The following ARHGAP24 variants were observed in gnomAD, a reference collection of about 807,000 sequenced individuals.
The protein encoded by ARHGAP24 is Rho GTPase activating protein 24.
ARHGAP24 carries 50 observed loss-of-function variants against 76.4 expected under a neutral mutation model. The observed-to-expected ratio is 0.65, with a 90% CI of 0.52 to 0.83. The LOEUF is 0.83. ARHGAP24 is among the 40% of genes least tolerant of loss of function. ARHGAP24 has a pLI of 0.00. For missense variants in ARHGAP24, 930 were observed against 914.2 expected, an observed-to-expected ratio of 1.02 and a Z score of -0.22; for synonymous variants, 345 against 323.3, an observed-to-expected ratio of 1.07 and a Z score of -0.72.
At chr4:85,632,260 G>C (rs1456959199) in intron 2 of ARHGAP24, among the ~76,000 whole-genome samples, 1 of 151,816 alleles carries the variant, frequency 6.6e-6, no homozygotes, top group Non-Finnish European at 1.5e-5. Flanking sequence ...TTATATTACT[G>C]TTTAAAAGAA....
At chr4:85,904,985 T>G (rs1255577793) in intron 3 of ARHGAP24, among the ~76,000 whole-genome samples, 2 of 152,196 alleles carry the variant, frequency 1.3e-5, no homozygotes, top group Non-Finnish European at 2.9e-5. Flanking sequence ...AATTGTAGAA[T>G]GAAACCTAAC....
intron 3 of ARHGAP24, among the ~76,000 whole-genome samples, chr4:85,847,475 G>A (rs1240926149): frequency 6.6e-6 from 1 of 152,104 alleles, no homozygotes; most frequent in Admixed American, 6.6e-5. Flanking sequence ...GATAGATATA[G>A]CAGAATAAAG....
At chr4:85,653,501 GCTCA>G (rs1373945714) in intron 2 of ARHGAP24, among the ~76,000 whole-genome samples, 4 of 151,852 alleles carry the variant, frequency 2.6e-5, no homozygotes, top group Non-Finnish European at 5.9e-5. Context: ...TGAGGAGGAG[GCTCA>G]CTTTGTCACC....
At chr4:85,511,306 A>G (rs887426322) in intron 1 of ARHGAP24, among the ~76,000 whole-genome samples, 3 of 152,142 alleles carry the variant, frequency 2.0e-5, no homozygotes, top group Non-Finnish European at 2.9e-5. Context: ...TTCTTTAACG[A>G]TCTAGGAAAG....
chr4:85,873,453 T>C (rs913664792), intron 3 of ARHGAP24, among the ~76,000 whole-genome samples: 5 of 152,208 alleles, frequency 3.3e-5, no homozygotes, highest in African/African-American at 1.2e-4. Context: ...CTGGGAATTA[T>C]CTACTGTGTA....
At chr4:85,549,632 GTGTAAA>G (rs61335226) in intron 1 of ARHGAP24, among the ~76,000 whole-genome samples, 9,027 of 152,156 alleles carry the variant, frequency 0.059, 799 homozygotes, top group African/African-American at 0.19. Context: ...TCAGGTTCAT[GTGTAAA>G]TGTGCAGGTG....
At chr4:85,521,181 A>G (rs953584923) in intron 1 of ARHGAP24, among the ~76,000 whole-genome samples, 4 of 152,112 alleles carry the variant, frequency 2.6e-5, no homozygotes, top group Admixed American at 6.6e-5. Flanking sequence ...AATGGCCCCA[A>G]TACACTGACT....
chr4:85,969,382 GTATT>G (rs1486928040), intron 5 of ARHGAP24, among the ~76,000 whole-genome samples: 1 of 151,814 alleles, frequency 6.6e-6, no homozygotes, highest in African/African-American at 2.4e-5. Flanking sequence ...TTTATTTATT[GTATT>G]TATTCATAAA....
At chr4:85,732,539 C>T (rs1190036922) in intron 3 of ARHGAP24, among the ~76,000 whole-genome samples, 3 of 152,150 alleles carry the variant, frequency 2.0e-5, no homozygotes, top group Non-Finnish European at 4.4e-5. Flanking sequence ...TAAGGACCAT[C>T]TGCAGCCCAA....
chr4:85,657,901 C>G (rs538667789), intron 2 of ARHGAP24, among the ~76,000 whole-genome samples: 4 of 152,220 alleles, frequency 2.6e-5, no homozygotes, highest in Admixed American at 2.6e-4. Flanking sequence ...GCCACAGGTG[C>G]GTGCCACCAT....
chr4:85,575,632 C>G (rs1727340420), intron 2 of ARHGAP24, among the ~76,000 whole-genome samples: 1 of 152,092 alleles, frequency 6.6e-6, no homozygotes, highest in Admixed American at 6.6e-5. Flanking sequence ...CTTGTCAATA[C>G]AATAACATGG....
chr4:85,827,525 G>A (rs1729782609), intron 3 of ARHGAP24, among the ~76,000 whole-genome samples: 4 of 121,010 alleles, frequency 3.3e-5, no homozygotes, highest in Non-Finnish European at 7.7e-5. Flanking sequence ...TGTTTAGAGA[G>A]AGAGAGAGAT....
At chr4:85,796,107 A>C (rs973138400) in intron 3 of ARHGAP24, among the ~76,000 whole-genome samples, 1 of 152,064 alleles carries the variant, frequency 6.6e-6, no homozygotes, top group Non-Finnish European at 1.5e-5. Flanking sequence ...TTTTGCCATT[A>C]AAAGTAATAG....
At chr4:85,666,939 G>A (rs958245348) in intron 2 of ARHGAP24, among the ~76,000 whole-genome samples, 14 of 152,166 alleles carry the variant, frequency 9.2e-5, no homozygotes, top group Non-Finnish European at 1.8e-4. Flanking sequence ...CTCCTCAGGG[G>A]TCATGGGTCA....
intron 2 of ARHGAP24, among the ~76,000 whole-genome samples, chr4:85,670,434 T>C (rs1022619456): frequency 1.3e-5 from 2 of 152,106 alleles, no homozygotes; most frequent in African/African-American, 4.8e-5. Context: ...AGCAGAAAGC[T>C]CTAGGGCATA....
chr4:85,880,519 TTGTGTG>T (rs58530817), intron 3 of ARHGAP24, among the ~76,000 whole-genome samples: 31,077 of 150,608 alleles, frequency 0.21, 4,142 homozygotes, highest in Non-Finnish European at 0.31. Flanking sequence ...TGCATAACTT[TTGTGTG>T]TGTGTGTGTG....
chr4:85,940,389 A>G (rs540753899), intron 4 of ARHGAP24, among the ~76,000 whole-genome samples: 4 of 152,034 alleles, frequency 2.6e-5, no homozygotes, highest in Admixed American at 6.6e-5. Flanking sequence ...CAAGTTGAAG[A>G]CAGGCAAAAG....
intron 1 of ARHGAP24, among the ~76,000 whole-genome samples, chr4:85,477,564 A>C (rs1722646811): frequency 6.6e-6 from 1 of 152,178 alleles, no homozygotes; most frequent in Admixed American, 6.5e-5. Context: ...GCTTTCATGG[A>C]TCATGGTTTT....
chr4:85,818,802 C>A (rs1345089331), intron 3 of ARHGAP24, among the ~76,000 whole-genome samples: 1 of 152,140 alleles, frequency 6.6e-6, no homozygotes, highest in African/African-American at 2.4e-5. Flanking sequence ...AAATAATTCT[C>A]TTTTATTCTC....
Sources: gnomAD v4.1 joint callset for allele counts (sites outside exome capture counted in the v4.1 genomes callset) on GRCh38, gnomAD v4.1.1 for gene constraint, MANE v1.5 for transcripts, NCBI Gene and HGNC (gene_info 2026-07-23, HGNC 2026-07-21) for gene names.